The following LHPP variants were observed in gnomAD, a reference collection of about 807,000 sequenced individuals.
The protein encoded by LHPP is hLHPP.
In LHPP, 24 loss-of-function variants were observed where a neutral mutation model predicts 30.3. The observed-to-expected ratio is 0.79, with a 90% CI of 0.57 to 1.11. The LOEUF is 1.11. LHPP is among the 50% of genes most tolerant of loss of function. The pLI, the probability that LHPP is intolerant of heterozygous loss-of-function variation, is 0.00. For synonymous variants in LHPP, 150 were observed against 157.1 expected (o/e 0.95, Z 0.34); for missense variants, 356 against 367.2 (o/e 0.97, Z 0.25).
intron 6 of LHPP, among the ~76,000 whole-genome samples, chr10:124,542,014 C>T (rs1282475918): frequency 6.6e-6 from 1 of 152,076 alleles, no homozygotes; most frequent in Non-Finnish European, 1.5e-5. Flanking sequence ...TCTCCTGAGA[C>T]ACCTCTCCAG....
intron 6 of LHPP, among the ~76,000 whole-genome samples, chr10:124,535,101 C>T (rs1222160692): frequency 1.3e-5 from 2 of 152,156 alleles, no homozygotes; most frequent in East Asian, 1.9e-4. Flanking sequence ...CTGTGTGTGG[C>T]GATAGCAACA....
chr10:124,472,237 C>T (rs759785017), intron 1 of LHPP, among the ~76,000 whole-genome samples: 10 of 152,054 alleles, frequency 6.6e-5, no homozygotes, highest in African/African-American at 9.7e-5. Flanking sequence ...TGCTTGAACC[C>T]GAGAGGCAGA....
chr10:124,536,236 C>A (rs533120424), intron 6 of LHPP, among the ~76,000 whole-genome samples: 2 of 152,362 alleles, frequency 1.3e-5, no homozygotes, highest in South Asian at 4.1e-4. Flanking sequence ...GCCCAGAGGC[C>A]TTGTGGCTTT....
rs1032312576 is a variant in LHPP, at chr10:124,541,403, T to A, written c.716+24132T>A. ...CTCTGCCTTGCAAGAACATTGCCTG[T>A]GGCTCAAAATGGCCACATGGGATGC... is the stretch of plus-strand genomic sequence containing the variant. On this transcript the variant is annotated intron_variant, in intron 6 of 6. Coordinates refer to ENST00000368842, the MANE Select transcript of LHPP (RefSeq NM_022126.4). This position sits in a 1 kb window ranked among gnomAD's most constrained non-coding sequence, Gnocchi z 4.2. Among the ~76,000 whole-genome samples the A allele has an allele frequency of 9.8e-5, 15 of 152,330 alleles. No individual in the cohort carries two copies. Among genetic ancestry groups the A allele is most frequent in the East Asian group, 3.9e-4 (2 of 5,182 alleles).
chr10:124,463,528 A>G lies in LHPP; in HGVS notation c.125+1541A>G, dbSNP rs11817903. ...CAGGCACCCGCCACCACGCCCAGCT[A>G]ATTTTTGTATTTTTGGTAGACATGG... On this transcript the variant is annotated intron_variant, in intron 1 of 6. Coordinates refer to ENST00000368842, the MANE Select transcript of LHPP (RefSeq NM_022126.4). Among the ~76,000 whole-genome samples, 1,090 of 151,950 alleles carry G rather than the reference A, an allele frequency of 7.2e-3. 11 individuals carry two copies. Among genetic ancestry groups the G allele is most frequent in the African/African-American group, 0.024 (996 of 41,470 alleles).
At chr10:124,486,032 G>A (rs1953313876) in intron 2 of LHPP, among the ~76,000 whole-genome samples, 1 of 151,944 alleles carries the variant, frequency 6.6e-6, no homozygotes, top group African/African-American at 2.4e-5. Flanking sequence ...CGAGTAAAAT[G>A]CAGACACGGG....
intron 4 of LHPP, among the ~76,000 whole-genome samples, chr10:124,497,239 CCTTCCCAT>C: frequency 3.5e-5 from 5 of 141,390 alleles, no homozygotes; most frequent in Non-Finnish European, 7.6e-5. Context: ...CCCTTCCCAT[CCTTCCCAT>C]CCTCCCCATC....
At chr10:124,537,080 A>G (rs1338431212) in intron 6 of LHPP, among the ~76,000 whole-genome samples, 1 of 152,260 alleles carries the variant, frequency 6.6e-6, no homozygotes, top group East Asian at 1.9e-4. Flanking sequence ...CCTTATTTAC[A>G]GTAAGCCTTA....
At chr10:124,495,642 TCA>T (rs1286584259) in intron 3 of LHPP, among the ~76,000 whole-genome samples, 1 of 152,184 alleles carries the variant, frequency 6.6e-6, no homozygotes, top group Non-Finnish European at 1.5e-5. Flanking sequence ...AGCTCAGTTC[TCA>T]CACCCCAGGT....
chr10:124,531,229 A>G (rs1384667704), intron 6 of LHPP, among the ~76,000 whole-genome samples: 1 of 151,928 alleles, frequency 6.6e-6, no homozygotes, highest in Non-Finnish European at 1.5e-5. Context: ...CTCCAACCCC[A>G]CACCCCGTCT....
At chr10:124,549,251 C>T (rs1490123180) in intron 6 of LHPP, among the ~76,000 whole-genome samples, 1 of 152,080 alleles carries the variant, frequency 6.6e-6, no homozygotes, top group Non-Finnish European at 1.5e-5. Context: ...GCCTGGGCAA[C>T]ATAGTGAGAC....
chr10:124,503,192 G>A lies in LHPP; in HGVS notation c.624+5064G>A, dbSNP rs183546243. On this transcript the variant is annotated intron_variant, in intron 5 of 6. Coordinates refer to ENST00000368842, the MANE Select transcript of LHPP (RefSeq NM_022126.4). The stretch of plus-strand genomic sequence containing the variant: ...AGCAATTCTCCTGCCTCAGCCTCTT[G>A]AGTAGCTGGGATTACAGGCATGTGC... 4.0e-4 allele frequency among the ~76,000 whole-genome samples: 60 copies of A among 151,848 alleles called. 2 individuals carry two copies. The highest frequency in any genetic ancestry group is 1.3e-3 in the African/African-American group (55 of 41,230).
intron 6 of LHPP, among the ~76,000 whole-genome samples, chr10:124,606,304 C>T (rs4962392): frequency 5.9e-5 from 9 of 152,122 alleles, no homozygotes; most frequent in Non-Finnish European, 1.2e-4. Flanking sequence ...GGACGATGGA[C>T]GGGAGCAGTG....
intron 6 of LHPP, among the ~76,000 whole-genome samples, chr10:124,602,000 G>A (rs530810867): frequency 2.3e-4 from 35 of 152,196 alleles, no homozygotes; most frequent in Non-Finnish European, 4.4e-4. Context: ...CCCGTCCTCC[G>A]CTGCACTGCC....
intron 6 of LHPP, among the ~76,000 whole-genome samples, chr10:124,588,849 A>T (rs1948840428): frequency 2.0e-5 from 3 of 151,854 alleles, no homozygotes; most frequent in African/African-American, 7.3e-5. Context: ...GGTCCTGGAG[A>T]GGGCACTGGC....
At chr10:124,468,238 T>C (rs1270944127) in intron 1 of LHPP, among the ~76,000 whole-genome samples, 2 of 152,162 alleles carry the variant, frequency 1.3e-5, no homozygotes, top group Non-Finnish European at 2.9e-5. Context: ...TCTGACTGAT[T>C]GATTGCCAGG....
At chr10:124,513,400 T>C (rs1377736059) in intron 5 of LHPP, among the ~76,000 whole-genome samples, 1 of 151,460 alleles carries the variant, frequency 6.6e-6, no homozygotes. Flanking sequence ...AGGAGCTGGT[T>C]GGTGGTGGTT....
chr10:124,469,839 T>C (rs11245067), intron 1 of LHPP, among the ~76,000 whole-genome samples: 27,486 of 151,844 alleles, frequency 0.18, 2,631 homozygotes, highest in East Asian at 0.3. Flanking sequence ...AGACACGCAG[T>C]GAGGTGGGGA....
At position 124,590,763 on chromosome 10, in the gene LHPP, C is replaced by T. The variant is rs1948873736; in HGVS notation, c.717-22501C>T. 6.6e-6 allele frequency among the ~76,000 whole-genome samples: 1 copy of T among 152,184 alleles called. No individual in the cohort carries two copies. The highest frequency in any genetic ancestry group is 1.5e-5 in the Non-Finnish European group (1 of 68,030). ...CCTCTGCCACCGAGGGAAGCCATGT[C>T]GCCTTCCTGAGCCTGCTTCTCTGTC... is the stretch of plus-strand genomic sequence containing the variant. On this transcript the variant is annotated intron_variant, in intron 6 of 6. Transcript: ENST00000368842. The surrounding 1 kb of genome is among the most constrained non-coding windows in gnomAD (Gnocchi z 4.3).
Sources: gnomAD v4.1 joint callset for allele counts (sites outside exome capture counted in the v4.1 genomes callset) on GRCh38, gnomAD v4.1.1 for gene constraint, Gnocchi (gnomAD v3.1) non-coding constraint, MANE v1.5 for transcripts, NCBI Gene and HGNC (gene_info 2026-07-23, HGNC 2026-07-21) for gene names.